Variants in ATRN observed in about 807,000 individuals in gnomAD.
ATRN encodes attractin-2.
A neutral mutation model predicts 178.7 loss-of-function variants in ATRN; 54 were observed. That is an observed-to-expected ratio of 0.30 (90% CI 0.24 to 0.38). ATRN has a LOEUF of 0.38. Ranked by LOEUF, ATRN falls within the 10% of genes least tolerant of loss-of-function variation. ATRN has a pLI of 1.00. For synonymous variants in ATRN, 636 were observed against 663.0 expected (o/e 0.96, Z 0.63); for missense variants, 1,443 against 1,815.1 (o/e 0.79, Z 3.73).
intron 4 of ATRN, among the ~76,000 whole-genome samples, chr20:3,546,975 C>T (rs1396717128): frequency 6.6e-6 from 1 of 152,230 alleles, no homozygotes; most frequent in Non-Finnish European, 1.5e-5. Context: ...ATAGTCCTCC[C>T]ACCCATGAGG....
Position 3,526,329 on chromosome 20 carries a change from A to T in ATRN, c.411-8924A>T, listed in dbSNP as rs1037891771. On this transcript the variant is annotated intron_variant, in intron 1 of 28. Coordinates refer to ENST00000262919, the MANE Select transcript of ATRN (RefSeq NM_139321.3). ...ACTCATGAGAGCCAAATAACGAGTG[A>T]ACTCCCATTCACAATTGCTACAAAG... is the stretch of plus-strand genomic sequence containing the variant. Among the ~76,000 whole-genome samples, 4 of 152,190 alleles carry T rather than the reference A, an allele frequency of 2.6e-5. No individual in the cohort carries two copies. In the East Asian group the frequency reaches 7.7e-4, roughly 29 times the overall value.
At chr20:3,575,424 T>C in intron 12 of ATRN, among the ~76,000 whole-genome samples, 1 of 152,212 alleles carries the variant, frequency 6.6e-6, no homozygotes, top group East Asian at 1.9e-4. Flanking sequence ...TGTGCCCAAA[T>C]TAGCCTTGCG....
intron 1 of ATRN, chr20:3,489,784 C>T (rs1387427510): frequency 2.3e-6 from 3 of 1,331,448 alleles, no homozygotes; most frequent in African/African-American, 1.4e-5. Context: ...GCTTTGCGCC[C>T]TTGGTAGGTG....
chr20:3,515,918 C>A (rs899879175), intron 1 of ATRN, among the ~76,000 whole-genome samples: 22 of 152,174 alleles, frequency 1.4e-4, no homozygotes, highest in Admixed American at 1.3e-3. Context: ...AGGCATAGTA[C>A]GTGCATTTAG....
At chr20:3,479,764 T>G (rs2084593355) in intron 1 of ATRN, among the ~76,000 whole-genome samples, 1 of 152,192 alleles carries the variant, frequency 6.6e-6, no homozygotes, top group Admixed American at 6.5e-5. Flanking sequence ...TCTCTTCGCT[T>G]CTGGAGTTGC....
chr20:3,513,167 T>A (rs886680589), intron 1 of ATRN, among the ~76,000 whole-genome samples: 2 of 152,200 alleles, frequency 1.3e-5, no homozygotes, highest in African/African-American at 2.4e-5. Context: ...GGTGTTTTAG[T>A]CATGAAGTCC....
At chr20:3,626,685 C>CT (rs1040100134) in intron 25 of ATRN, among the ~76,000 whole-genome samples, 2 of 152,100 alleles carry the variant, frequency 1.3e-5, no homozygotes, top group Non-Finnish European at 2.9e-5. Flanking sequence ...TTTCCCCTCA[C>CT]TCACAACCCC....
Position 3,481,941 on chromosome 20 carries a change from G to A in ATRN, c.410+10424G>A, listed in dbSNP as rs540027600. Among the ~76,000 whole-genome samples, 4 of 151,608 alleles carry A rather than the reference G, an allele frequency of 2.6e-5. No individual in the cohort carries two copies. The South Asian group carries it at 6.3e-4, about 24-fold the overall frequency. On this transcript the variant is annotated intron_variant, in intron 1 of 28. Coordinates refer to ENST00000262919, the MANE Select transcript of ATRN (RefSeq NM_139321.3). The stretch of plus-strand genomic sequence containing the variant: ...ATAAGCCAGTAAACATTAGGGGCTG[G>A]AATTCTGTCAGTTGCTGTTAAGAGT...
Position 3,540,342 on chromosome 20 carries a change from T to C in ATRN, c.608+7T>C. 1.3e-6 allele frequency: 2 copies of C among 1,528,244 alleles called. No individual in the cohort carries two copies. Among genetic ancestry groups the C allele is most frequent in the South Asian group, 1.2e-5 (1 of 85,206 alleles). The allele number at this position is 1,528,244 out of a possible 1,614,324, so 94.7% of individuals were successfully genotyped here. A position where few individuals can be genotyped will look rare whatever the true frequency, so the allele number is the denominator to read the frequency against. The stretch of plus-strand genomic sequence containing the variant: ...CGCTAGTTGCTGCATTTAGGTAAGC[T>C]CAGTCTTACAAGCCTTCTTTCATCG... On this transcript the variant is annotated splice_region_variant and intron_variant, in intron 3 of 28. Coordinates refer to ENST00000262919, the MANE Select transcript of ATRN (RefSeq NM_139321.3).
intron 26 of ATRN, among the ~76,000 whole-genome samples, chr20:3,635,769 A>G (rs990597273): frequency 1.3e-5 from 2 of 152,214 alleles, no homozygotes; most frequent in African/African-American, 4.8e-5. Context: ...TCTGACCCAC[A>G]TAAAGATGAT....
At chr20:3,541,943 C>T (rs557542642) in intron 3 of ATRN, among the ~76,000 whole-genome samples, 1 of 152,306 alleles carries the variant, frequency 6.6e-6, no homozygotes, top group East Asian at 1.9e-4. Flanking sequence ...AGAGAGCAAA[C>T]AGTACACAAG....
At chr20:3,635,394 T>TAAATAAATA (rs1296983909) in intron 26 of ATRN, among the ~76,000 whole-genome samples, 1 of 151,342 alleles carries the variant, frequency 6.6e-6, no homozygotes, top group African/African-American at 2.4e-5. Context: ...AATAAATAAA[T>TAAATAAATA]ATTTTAAAAA....
intron 1 of ATRN, among the ~76,000 whole-genome samples, chr20:3,486,401 T>C (rs952295261): frequency 6.6e-5 from 10 of 152,032 alleles, no homozygotes; most frequent in Admixed American, 2.6e-4. Flanking sequence ...CTTTTTTTCC[T>C]TTTTATTTTT....
At chr20:3,554,195 T>C (rs1451094903) in intron 6 of ATRN, among the ~76,000 whole-genome samples, 3 of 152,014 alleles carry the variant, frequency 2.0e-5, no homozygotes, top group African/African-American at 7.2e-5. Context: ...TTTCTACAGC[T>C]TTATTTGTTT....
chr20:3,584,918 T>C, intron 18 of ATRN, 38 bp downstream of exon 18: 1 of 1,569,130 alleles, frequency 6.4e-7, no homozygotes, highest in Non-Finnish European at 8.8e-7. Context: ...AGTGTTTCAC[T>C]ACTGATTTAT....
At chr20:3,644,318 C>G (rs369137242) in intron 28 of ATRN, 50 bp downstream of exon 28, 595 of 1,446,706 alleles carry the variant, frequency 4.1e-4, no homozygotes, top group Non-Finnish European at 5.4e-4. Flanking sequence ...TGTGAGGGAG[C>G]TAAGCATGGG....
chr20:3,482,580 A>G (rs1455139429), intron 1 of ATRN, among the ~76,000 whole-genome samples: 5 of 152,208 alleles, frequency 3.3e-5, no homozygotes, highest in Non-Finnish European at 5.9e-5. Context: ...CCTTTTGAAC[A>G]CTGTTTTTGA....
rs762420038 is a variant in ATRN, at chr20:3,638,985, G to A, written c.4050+50G>A. 4.0e-6 allele frequency: 6 copies of A among 1,485,162 alleles called. No homozygotes were observed. In the Admixed American group the frequency reaches 1.1e-4, roughly 28 times the overall value. 92.0% of individuals were successfully genotyped at this position (1,485,162 alleles called of 1,614,324 possible). ...TATAACTTGACTTTTTAAAACTTAG[G>A]CTCCTAAGTCTGGGAAACCAGAGAG... On this transcript the variant is annotated intron_variant, in intron 27 of 28. Transcript: ENST00000262919. The surrounding 1 kb of genome is among the most constrained non-coding windows in gnomAD (Gnocchi z 4.5).
intron 24 of ATRN, among the ~76,000 whole-genome samples, chr20:3,612,773 T>G (rs537756641): frequency 6.6e-6 from 1 of 152,344 alleles, no homozygotes; most frequent in Non-Finnish European, 1.5e-5. Context: ...CCTCTCCATA[T>G]TCTCAATCTA....
Sources: gnomAD v4.1 joint callset for allele counts (sites outside exome capture counted in the v4.1 genomes callset) on GRCh38, gnomAD v4.1.1 for gene constraint, Gnocchi (gnomAD v3.1) non-coding constraint, MANE v1.5 for transcripts, NCBI Gene and HGNC (gene_info 2026-07-23, HGNC 2026-07-21) for gene names.